Variants in PPP6R3 observed in about 807,000 individuals in gnomAD.
PPP6R3 encodes the protein serine/threonine-protein phosphatase 6 regulatory subunit 3.
In PPP6R3, 38 loss-of-function variants were observed where a neutral mutation model predicts 110.7. The ratio of observed to expected loss-of-function variants is 0.34; its 90% confidence interval spans 0.26 to 0.45. PPP6R3 has a LOEUF of 0.45. Ranked by LOEUF, PPP6R3 falls within the 20% of genes least tolerant of loss-of-function variation. The pLI is 1.00. For synonymous variants in PPP6R3, 369 were observed against 373.5 expected, an observed-to-expected ratio of 0.99 and a Z score of 0.14; for missense variants, 870 against 1,062.4, an observed-to-expected ratio of 0.82 and a Z score of 2.52.
Position 68,551,157 on chromosome 11 carries a change from G to C in PPP6R3, c.589G>C (p.Glu197Gln). 1 of 1,611,442 alleles carries C rather than the reference G, an allele frequency of 6.2e-7. No homozygotes were observed. Among genetic ancestry groups the C allele is most frequent in the Non-Finnish European group, 8.5e-7 (1 of 1,178,300 alleles). Residue 197 changes from glutamate (E) to glutamine (Q), a missense_variant, in exon 6 of 24, where the codon GAA becomes CAA. By Grantham distance (29) the Glu-to-Gln change is conservative. Transcript: ENST00000393800. ...GGAGAAAATTATCCAGAGGCTTGTG[G>C]AAATAGTTCATCCATCGCAAGAAGA... ...NEEKIIQRLVEIVHPSQEEDR... is the reference protein window; with the variant it reads ...NEEKIIQRLVQIVHPSQEEDR...
At chr11:68,495,936 T>C (rs2099012719) in intron 1 of PPP6R3, among the ~76,000 whole-genome samples, 1 of 152,244 alleles carries the variant, frequency 6.6e-6, no homozygotes, top group African/African-American at 2.4e-5. Context: ...TACACCATTT[T>C]ACATTCCCAC....
At chr11:68,474,911 A>AT (rs550464453) in intron 1 of PPP6R3, among the ~76,000 whole-genome samples, 39 of 150,542 alleles carry the variant, frequency 2.6e-4, no homozygotes, top group Non-Finnish European at 3.7e-4. Context: ...CCTTTTTTTT[A>AT]TTTTTTTTAT....
chr11:68,563,324 C>G (rs1043822722), intron 8 of PPP6R3, among the ~76,000 whole-genome samples: 5 of 152,172 alleles, frequency 3.3e-5, no homozygotes, highest in African/African-American at 1.2e-4. Context: ...TCTAGTAGTT[C>G]TTGGCATTCC....
At chr11:68,496,963 G>A (rs758392809) in intron 1 of PPP6R3, among the ~76,000 whole-genome samples, 2 of 142,666 alleles carry the variant, frequency 1.4e-5, no homozygotes, top group Non-Finnish European at 3.0e-5. Flanking sequence ...CCAGGTTCAC[G>A]CCGTTCTCTT....
At chr11:68,582,825 A>G (rs1187643512) in intron 14 of PPP6R3, among the ~76,000 whole-genome samples, 1 of 152,224 alleles carries the variant, frequency 6.6e-6, no homozygotes, top group Non-Finnish European at 1.5e-5. Context: ...GAGGAGTGGA[A>G]TAACTAGAAG....
chr11:68,505,036 G>C (rs1378622316), intron 1 of PPP6R3: 4 of 151,994 alleles, frequency 2.6e-5, no homozygotes, highest in African/African-American at 4.8e-5. Flanking sequence ...TGAGTATCTT[G>C]GTTTCACTTA....
chr11:68,571,331 T>C (rs2099505575), intron 12 of PPP6R3: 1 of 508,418 alleles, frequency 2.0e-6, no homozygotes, highest in Admixed American at 4.2e-5. Flanking sequence ...GTTCGGAGTG[T>C]TCCCCACCTC....
In PPP6R3 at chr11:68,567,095, A is replaced by G. The variant is rs2099476906; in HGVS notation, c.1057A>G (p.Ser353Gly). ...TRLNVIRLISSLLQTNTSSIN... is the reference protein window; with the variant it reads ...TRLNVIRLISGLLQTNTSSIN... ...GTTGAATGTCATTAGGTTGATATCCAGCCTGCTTCAAACCAATACCAGCAG... is the reference window on the plus strand; with the variant it reads ...GTTGAATGTCATTAGGTTGATATCCGGCCTGCTTCAAACCAATACCAGCAG... Residue 353 changes from serine to glycine, a missense_variant, in exon 10 of 24, where the codon AGC (serine) becomes GGC (glycine). Ser to Gly is a moderately conservative substitution (Grantham distance 56, BLOSUM62 0). Coordinates refer to ENST00000393800, the MANE Select transcript of PPP6R3 (RefSeq NM_001164161.2). 1.3e-6 allele frequency: 2 copies of G among 1,551,596 alleles called. No homozygotes were observed. Among genetic ancestry groups the G allele is most frequent in the Middle Eastern group, 1.7e-4 (1 of 5,990 alleles).
chr11:68,466,329 A>T (rs2153225626), intron 1 of PPP6R3, among the ~76,000 whole-genome samples: 1 of 152,164 alleles, frequency 6.6e-6, no homozygotes, highest in Admixed American at 6.5e-5. Flanking sequence ...ACAGACTGAC[A>T]TTTGGATACC....
At chr11:68,534,701 T>C (rs557847872) in intron 2 of PPP6R3, among the ~76,000 whole-genome samples, 1 of 152,332 alleles carries the variant, frequency 6.6e-6, no homozygotes, top group South Asian at 2.1e-4. Context: ...CTGATTTATT[T>C]CTTAGTATTT....
intron 1 of PPP6R3, among the ~76,000 whole-genome samples, chr11:68,508,190 A>G (rs899503471): frequency 6.2e-5 from 8 of 128,390 alleles, no homozygotes; most frequent in Admixed American, 3.0e-4. Flanking sequence ...GTGCAGTGGC[A>G]CAGTCTTGGC....
At chr11:68,478,748 C>T (rs1370043339) in intron 1 of PPP6R3, among the ~76,000 whole-genome samples, 1 of 145,908 alleles carries the variant, frequency 6.9e-6, no homozygotes, top group Non-Finnish European at 1.5e-5. Context: ...ACCTCCGCCT[C>T]CCGGGTTCAA....
At chr11:68,610,073 T>C in intron 23 of PPP6R3, 50 bp downstream of exon 23, 1 of 1,597,744 alleles carries the variant, frequency 6.3e-7, no homozygotes, top group Non-Finnish European at 8.5e-7. Context: ...TGACCTTGCC[T>C]GTTGCTTCCT....
chr11:68,545,058 G>A, intron 4 of PPP6R3, 34 bp downstream of exon 4: 3 of 1,511,062 alleles, frequency 2.0e-6, no homozygotes, highest in Non-Finnish European at 2.7e-6. Flanking sequence ...AAGTATTAGG[G>A]CTGATCATCC....
In PPP6R3 at chr11:68,609,498, G is replaced by A. The variant is rs913802051; in HGVS notation, c.2451-406G>A. The A allele has an allele frequency of 3.3e-5, 39 of 1,176,848 alleles. No individual in the cohort carries two copies. The Admixed American group carries it at 4.2e-4, about 13-fold the overall frequency. 72.9% of individuals were successfully genotyped at this position (1,176,848 alleles called of 1,614,324 possible). On this transcript the variant is annotated intron_variant, in intron 22 of 23. Transcript: ENST00000393800. ...GTTCTTTGACACCTTCACCGAGTCT[G>A]CAGTTTTGCTTACGTGCAGTCGTGG...
chr11:68,461,889 A>G (rs2098710530), intron 1 of PPP6R3, among the ~76,000 whole-genome samples: 1 of 152,158 alleles, frequency 6.6e-6, no homozygotes, highest in South Asian at 2.1e-4. Flanking sequence ...CAGGGACTCC[A>G]GGTTTCCAAC....
At chr11:68,516,604 A>G (rs1426428005) in intron 1 of PPP6R3, among the ~76,000 whole-genome samples, 1 of 152,208 alleles carries the variant, frequency 6.6e-6, no homozygotes, top group Non-Finnish European at 1.5e-5. Context: ...GTTGATGGAC[A>G]CTTGGGTTGC....
intron 18 of PPP6R3, among the ~76,000 whole-genome samples, chr11:68,594,307 A>C (rs2099605481): frequency 6.7e-6 from 1 of 148,932 alleles, no homozygotes; most frequent in South Asian, 2.1e-4. Flanking sequence ...GAGGAGAGAG[A>C]GAGAGAGAGA....
intron 7 of PPP6R3, among the ~76,000 whole-genome samples, chr11:68,555,669 T>C (rs765513704): frequency 3.9e-5 from 6 of 152,246 alleles, no homozygotes; most frequent in Non-Finnish European, 7.3e-5. Flanking sequence ...AGAGCCCATG[T>C]GCGCACTAGC....
Sources: gnomAD v4.1 joint callset for allele counts (sites outside exome capture counted in the v4.1 genomes callset) on GRCh38, gnomAD v4.1.1 for gene constraint, MANE v1.5 for transcripts, NCBI Gene and HGNC (gene_info 2026-07-23, HGNC 2026-07-21) for gene names.